Variants in UNC5D observed in about 807,000 individuals in gnomAD.
UNC5D encodes unc-5 netrin receptor D.
A neutral mutation model predicts 105.4 loss-of-function variants in UNC5D; 39 were observed. The observed-to-expected ratio is 0.37, with a 90% confidence interval of 0.29 to 0.48. The LOEUF (loss-of-function observed/expected upper bound fraction) is 0.48, where lower values mean the gene tolerates loss of function less well. Among genes scored for constraint, UNC5D ranks in the 20% least tolerant of loss-of-function variants. UNC5D has a pLI of 0.98. For synonymous variants in UNC5D, 452 were observed against 450.4 expected (o/e 1.00, Z -0.04); for missense variants, 991 against 1,202.4 (o/e 0.82, Z 2.60).
At chr8:35,417,359 C>T (rs1358155036) in intron 1 of UNC5D, among the ~76,000 whole-genome samples, 2 of 152,058 alleles carry the variant, frequency 1.3e-5, no homozygotes. Context: ...ACCTCAAGAA[C>T]TCATAGTCAA....
chr8:35,617,005 C>T (rs561833922), intron 4 of UNC5D, among the ~76,000 whole-genome samples: 1 of 152,298 alleles, frequency 6.6e-6, no homozygotes, highest in East Asian at 1.9e-4. Context: ...CAGTAATGTT[C>T]CATGGGCATG....
intron 2 of UNC5D, among the ~76,000 whole-genome samples, chr8:35,564,151 A>ATT (rs143530450): frequency 4.0e-5 from 6 of 150,006 alleles, no homozygotes; most frequent in Admixed American, 2.7e-4. Context: ...CTCCTCTTCA[A>ATT]TTTTTTTTTT....
intron 1 of UNC5D, among the ~76,000 whole-genome samples, chr8:35,431,372 A>T (rs1038605949): frequency 7.2e-5 from 11 of 152,260 alleles, no homozygotes; most frequent in Non-Finnish European, 1.6e-4. Context: ...TTAATCTTGT[A>T]TTATTTAATT....
intron 1 of UNC5D, among the ~76,000 whole-genome samples, chr8:35,440,662 G>A (rs1585849248): frequency 6.6e-6 from 1 of 151,902 alleles, no homozygotes; most frequent in Non-Finnish European, 1.5e-5. Flanking sequence ...GCCTTCCTGG[G>A]CTACCCTTGC....
Position 35,429,784 on chromosome 8 carries a change from A to G in UNC5D, c.104-119508A>G, listed in dbSNP as rs528534235. ...TTAGGATCCTTTGTGATTTCTTCCT[A>G]CCCTAGTCCCCAGCCCATGACGACC... is the stretch of plus-strand genomic sequence containing the variant. On this transcript the variant is annotated intron_variant, in intron 1 of 16. Coordinates refer to ENST00000404895, the MANE Select transcript of UNC5D (RefSeq NM_080872.4). Among the ~76,000 whole-genome samples, 28 of 152,088 alleles carry G rather than the reference A, an allele frequency of 1.8e-4. No individual in the cohort carries two copies. The South Asian group carries it at 4.8e-3, about 26-fold the overall frequency.
chr8:35,390,237 A>G (rs571249766), intron 1 of UNC5D, among the ~76,000 whole-genome samples: 2 of 152,348 alleles, frequency 1.3e-5, no homozygotes, highest in South Asian at 2.1e-4. Flanking sequence ...AACCAGCCCC[A>G]TAATCCAATC....
rs1295893961 is a variant in UNC5D at position 35,367,522 on chromosome 8, A to G, written c.103+131635A>G. The stretch of plus-strand genomic sequence containing the variant: ...GGAATGTGTCCTTACAATTTTCCAG[A>G]GGAGGAAGAGCATTTGTAATTATTG... On this transcript the variant is annotated intron_variant, in intron 1 of 16. Coordinates refer to ENST00000404895, the MANE Select transcript of UNC5D (RefSeq NM_080872.4). 2.0e-5 allele frequency among the ~76,000 whole-genome samples: 3 copies of G among 152,116 alleles called. No individual in the cohort carries two copies. In the East Asian group the frequency reaches 5.8e-4, roughly 29 times the overall value.
chr8:35,744,482 T>A (rs896383074), intron 11 of UNC5D, among the ~76,000 whole-genome samples: 7 of 152,204 alleles, frequency 4.6e-5, no homozygotes, highest in African/African-American at 1.7e-4. Flanking sequence ...GTTTACTATA[T>A]TTATTAGTTG....
intron 16 of UNC5D, among the ~76,000 whole-genome samples, chr8:35,788,233 T>TATATA (rs768998783): frequency 1.8e-4 from 28 of 151,984 alleles, no homozygotes; most frequent in Non-Finnish European, 3.7e-4. Context: ...CTCTTATAAA[T>TATATA]GGCAACGCGT....
At chr8:35,310,850 G>A (rs1245698583) in intron 1 of UNC5D, among the ~76,000 whole-genome samples, 1 of 152,070 alleles carries the variant, frequency 6.6e-6, no homozygotes, top group Non-Finnish European at 1.5e-5. Context: ...TGCTCATGCT[G>A]AGGGTTAGGG....
At chr8:35,440,805 A>G (rs1010305815) in intron 1 of UNC5D, among the ~76,000 whole-genome samples, 15 of 151,962 alleles carry the variant, frequency 9.9e-5, no homozygotes, top group Admixed American at 5.9e-4. Flanking sequence ...GTGTATGTTC[A>G]TTGATTGATG....
At chr8:35,304,470 A>G (rs1808191766) in intron 1 of UNC5D, among the ~76,000 whole-genome samples, 2 of 152,260 alleles carry the variant, frequency 1.3e-5, no homozygotes, top group Admixed American at 1.3e-4. Context: ...TTTCATAATA[A>G]CTTAATCTAT....
chr8:35,578,268 TCA>T (rs1491148484), intron 3 of UNC5D, among the ~76,000 whole-genome samples: 15 of 135,312 alleles, frequency 1.1e-4, no homozygotes, highest in Admixed American at 2.2e-4. Context: ...AAACTCTGTC[TCA>T]AAAAAAAAAA....
intron 1 of UNC5D, among the ~76,000 whole-genome samples, chr8:35,487,593 A>ACACACACACACACACACACC (rs1415748793): frequency 2.6e-4 from 39 of 150,584 alleles, no homozygotes; most frequent in Middle Eastern, 3.4e-3. Flanking sequence ...ACACACACAC[A>ACACACACACACACACACACC]CCCCACAGAC....
intron 4 of UNC5D, among the ~76,000 whole-genome samples, chr8:35,624,322 A>T (rs917440085): frequency 2.0e-5 from 3 of 152,222 alleles, no homozygotes; most frequent in Admixed American, 6.5e-5. Flanking sequence ...ATTTTTAAGA[A>T]TATCTTTCCG....
intron 1 of UNC5D, among the ~76,000 whole-genome samples, chr8:35,501,075 A>G (rs1472488979): frequency 2.0e-5 from 3 of 152,154 alleles, no homozygotes; most frequent in African/African-American, 7.2e-5. Flanking sequence ...CTTGTTACAT[A>G]GTAGTTGCTC....
At chr8:35,472,917 C>T (rs1809840121) in intron 1 of UNC5D, among the ~76,000 whole-genome samples, 1 of 152,058 alleles carries the variant, frequency 6.6e-6, no homozygotes, top group Non-Finnish European at 1.5e-5. Context: ...TTGGATTTTC[C>T]ACAGGTGGTC....
At chr8:35,247,812 A>G (rs11779298) in intron 1 of UNC5D, among the ~76,000 whole-genome samples, 40 of 1,108 alleles carry the variant, frequency 0.036, 17 homozygotes, top group Admixed American at 0.15. Context: ...TATATAATAT[A>G]TAAATATATA....
chr8:35,536,539 G>A (rs1814854691), intron 1 of UNC5D, among the ~76,000 whole-genome samples: 1 of 152,102 alleles, frequency 6.6e-6, no homozygotes, highest in South Asian at 2.1e-4. Context: ...TTTTAAAGAT[G>A]TATGTTCTTC....
Sources: gnomAD v4.1 joint callset for allele counts (sites outside exome capture counted in the v4.1 genomes callset) on GRCh38, gnomAD v4.1.1 for gene constraint, MANE v1.5 for transcripts, NCBI Gene and HGNC (gene_info 2026-07-23, HGNC 2026-07-21) for gene names.